The following ZNF804B variants were observed in gnomAD, a reference collection of about 807,000 sequenced individuals.
ZNF804B encodes the protein zinc finger 804B.
A neutral mutation model predicts 101.4 loss-of-function variants in ZNF804B; 80 were observed. That is an observed-to-expected ratio of 0.79 (90% CI 0.66 to 0.95). The LOEUF (loss-of-function observed/expected upper bound fraction) is 0.95. ZNF804B is among the 40% of genes least tolerant of loss of function. The pLI, the probability that ZNF804B is intolerant of heterozygous loss-of-function variation, is 0.00. For synonymous variants in ZNF804B, 622 were observed against 558.8 expected, an observed-to-expected ratio of 1.11 and a Z score of -1.59; for missense variants, 1,673 against 1,561.9, an observed-to-expected ratio of 1.07 and a Z score of -1.20.
At chr7:89,186,583 C>T (rs1368211031) in intron 1 of ZNF804B, among the ~76,000 whole-genome samples, 2 of 151,068 alleles carry the variant, frequency 1.3e-5, no homozygotes, top group African/African-American at 4.9e-5. Context: ...TTTATTTTCC[C>T]CTGTATTTGC....
intron 1 of ZNF804B, among the ~76,000 whole-genome samples, chr7:88,906,337 A>G (rs549021184): frequency 6.6e-6 from 1 of 151,996 alleles, no homozygotes; most frequent in Admixed American, 6.6e-5. Flanking sequence ...TTAGGTGCAA[A>G]GTTCAGTTGT....
intron 1 of ZNF804B, among the ~76,000 whole-genome samples, chr7:89,154,583 A>T (rs1790926897): frequency 6.6e-6 from 1 of 152,144 alleles, no homozygotes; most frequent in Non-Finnish European, 1.5e-5. Flanking sequence ...ACTGGAGATC[A>T]TTATGTTAAG....
At chr7:88,965,961 T>G (rs1793447525) in intron 1 of ZNF804B, among the ~76,000 whole-genome samples, 1 of 151,480 alleles carries the variant, frequency 6.6e-6, no homozygotes, top group Non-Finnish European at 1.5e-5. Context: ...CAAAAAGTCC[T>G]AAGTTTAAAT....
At chr7:89,241,385 T>A (rs1271163911) in intron 2 of ZNF804B, among the ~76,000 whole-genome samples, 1 of 152,004 alleles carries the variant, frequency 6.6e-6, no homozygotes, top group African/African-American at 2.4e-5. Context: ...CTACCTCTAC[T>A]CCCTGCCAGT....
At chr7:88,785,004 A>G (rs566079539) in intron 1 of ZNF804B, among the ~76,000 whole-genome samples, 5 of 152,262 alleles carry the variant, frequency 3.3e-5, no homozygotes, top group African/African-American at 1.2e-4. Context: ...TGTGGGTAAT[A>G]GATAGCACCA....
At position 88,845,301 on chromosome 7, in the gene ZNF804B, GCACA is replaced by G. The variant is rs372272018; in HGVS notation, c.108+85234_108+85237del. Among the ~76,000 whole-genome samples the G allele has an allele frequency of 3.2e-3, 478 of 150,038 alleles. 1 individual carries two copies. Among genetic ancestry groups the G allele is most frequent in the Admixed American group, 4.4e-3 (66 of 15,168 alleles). On this transcript the variant is annotated intron_variant, in intron 1 of 3. Transcript: ENST00000333190. ...TGCGCACGCGCGCGCGCACGCGCGC[GCACA>G]CACACACACACACACAATAACAACA...
intron 1 of ZNF804B, among the ~76,000 whole-genome samples, chr7:88,877,032 TATATATATA>T (rs1791958296): frequency 1.1e-4 from 5 of 44,938 alleles, no homozygotes; most frequent in African/African-American, 4.5e-4. Flanking sequence ...ATATAATATA[TATATATATA>T]TATATATATT....
chr7:89,172,170 TGAA>T (rs1791247668), intron 1 of ZNF804B, among the ~76,000 whole-genome samples: 1 of 152,052 alleles, frequency 6.6e-6, no homozygotes, highest in Admixed American at 6.5e-5. Flanking sequence ...AGAGACCAAT[TGAA>T]GAAACAGAGA....
chr7:88,915,598 T>C (rs1215433560), intron 1 of ZNF804B, among the ~76,000 whole-genome samples: 5 of 151,984 alleles, frequency 3.3e-5, no homozygotes, highest in African/African-American at 7.2e-5. Flanking sequence ...TGACTACATA[T>C]GTAAAAGATT....
intron 2 of ZNF804B, among the ~76,000 whole-genome samples, chr7:89,241,016 G>C (rs1234212012): frequency 6.6e-6 from 1 of 151,986 alleles, no homozygotes; most frequent in African/African-American, 2.4e-5. Flanking sequence ...TATTACTCAA[G>C]CCTTTCAAGT....
intron 1 of ZNF804B, among the ~76,000 whole-genome samples, chr7:89,198,074 C>G (rs12704446): frequency 0.24 from 36,299 of 151,450 alleles, 4,600 homozygotes; most frequent in Non-Finnish European, 0.27. Flanking sequence ...AGCAAACAAA[C>G]GGATTATTAA....
intron 1 of ZNF804B, among the ~76,000 whole-genome samples, chr7:88,901,314 T>C (rs1021346057): frequency 5.3e-5 from 8 of 151,900 alleles, no homozygotes; most frequent in Non-Finnish European, 1.2e-4. Flanking sequence ...TTATTTTCCA[T>C]TCCATATATT....
chr7:89,262,577 GA>G (rs1274791424), intron 2 of ZNF804B, among the ~76,000 whole-genome samples: 1 of 152,138 alleles, frequency 6.6e-6, no homozygotes, highest in Non-Finnish European at 1.5e-5. Flanking sequence ...CTTTTATATA[GA>G]GGTGTAAATC....
chr7:89,327,644 T>C lies in ZNF804B; in HGVS notation c.380+170T>C, dbSNP rs148003360. Among the ~76,000 whole-genome samples, 17 of 152,074 alleles carry C rather than the reference T, an allele frequency of 1.1e-4. No homozygotes were observed. The East Asian group carries it at 3.3e-3, about 29-fold the overall frequency. ...AATTAATAACTTTTGGCCTTTGATA[T>C]TTTTCTTTCCTAATATTGTTAATTT... On this transcript the variant is annotated intron_variant, in intron 3 of 3. Transcript: ENST00000333190.
chr7:89,297,647 A>C (rs984513086), intron 2 of ZNF804B, among the ~76,000 whole-genome samples: 1 of 152,056 alleles, frequency 6.6e-6, no homozygotes, highest in African/African-American at 2.4e-5. Flanking sequence ...AGATTTACAG[A>C]AATAGTACAA....
intron 1 of ZNF804B, among the ~76,000 whole-genome samples, chr7:88,937,629 G>A (rs1233594562): frequency 6.6e-6 from 1 of 151,806 alleles, no homozygotes; most frequent in Non-Finnish European, 1.5e-5. Context: ...GCAAAAGCAA[G>A]TTTCATAAAT....
At chr7:88,814,663 G>A (rs1790847566) in intron 1 of ZNF804B, among the ~76,000 whole-genome samples, 1 of 152,068 alleles carries the variant, frequency 6.6e-6, no homozygotes. Flanking sequence ...AGCTATGAAT[G>A]AAATCTTAGA....
intron 1 of ZNF804B, among the ~76,000 whole-genome samples, chr7:88,983,567 A>G (rs917700621): frequency 2.0e-5 from 3 of 152,034 alleles, no homozygotes; most frequent in Non-Finnish European, 4.4e-5. Flanking sequence ...TTGCATTGAG[A>G]TGTGCTATAA....
chr7:89,115,967 T>C (rs1243053742), intron 1 of ZNF804B, among the ~76,000 whole-genome samples: 1 of 151,594 alleles, frequency 6.6e-6, no homozygotes, highest in Non-Finnish European at 1.5e-5. Flanking sequence ...AGCAGTGGCG[T>C]GATCTTGGCT....
Sources: gnomAD v4.1 joint callset for allele counts (sites outside exome capture counted in the v4.1 genomes callset) on GRCh38, gnomAD v4.1.1 for gene constraint, MANE v1.5 for transcripts, NCBI Gene and HGNC (gene_info 2026-07-23, HGNC 2026-07-21) for gene names.